Variants in COG6 observed in about 807,000 individuals in gnomAD.
COG6 encodes the protein component of oligomeric golgi complex 6.
COG6 carries 74 observed loss-of-function variants against 88.8 expected under a neutral mutation model. The observed-to-expected ratio is 0.83, with a 90% CI of 0.69 to 1.01. The LOEUF is 1.01. Ranked by LOEUF, COG6 falls within the 50% of genes least tolerant of loss-of-function variation. The probability of loss-of-function intolerance (pLI) is 0.00; values close to 1 mark genes in which losing one functional copy is unlikely to be tolerated. For synonymous variants in COG6, 286 were observed against 278.7 expected, an observed-to-expected ratio of 1.03 and a Z score of -0.26; for missense variants, 800 against 797.9, an observed-to-expected ratio of 1.00 and a Z score of -0.03.
intron 18 of COG6, among the ~76,000 whole-genome samples, chr13:39,775,669 T>C (rs1254523538): frequency 6.6e-6 from 1 of 152,202 alleles, no homozygotes; most frequent in Non-Finnish European, 1.5e-5. Context: ...TCATGTAGTT[T>C]TACATTTTAA....
At chr13:39,694,950 T>TAC (rs1460529500) in intron 12 of COG6, among the ~76,000 whole-genome samples, 11 of 89,598 alleles carry the variant, frequency 1.2e-4, no homozygotes, top group Non-Finnish European at 1.6e-4. Context: ...CAAGCTTAAC[T>TAC]ACACGCACAC....
At chr13:39,659,604 A>T in intron 2 of COG6, 97 bp downstream of exon 2, 1 of 1,004,674 alleles carries the variant, frequency 1.0e-6, no homozygotes, top group Non-Finnish European at 1.5e-6. Context: ...TATGTTTGCT[A>T]TTTGTATACT....
chr13:39,744,454 C>T (rs1342752242), intron 18 of COG6, among the ~76,000 whole-genome samples: 2 of 152,124 alleles, frequency 1.3e-5, no homozygotes, highest in African/African-American at 4.8e-5. Flanking sequence ...TTCCTATACA[C>T]CAATAACAGA....
intron 3 of COG6, among the ~76,000 whole-genome samples, chr13:39,662,142 ATTT>A (rs10629485): frequency 1.5e-5 from 2 of 130,648 alleles, no homozygotes; most frequent in Non-Finnish European, 3.2e-5. Flanking sequence ...TGTCCTTTGT[ATTT>A]TTTTTTTTTT....
chr13:39,721,238 C>T (rs747877327), intron 15 of COG6, among the ~76,000 whole-genome samples: 3 of 151,988 alleles, frequency 2.0e-5, no homozygotes, highest in Admixed American at 6.6e-5. Flanking sequence ...AGCTATTTTA[C>T]GCATGGTAAA....
rs17590852 is a variant in COG6 at position 39,666,641 on chromosome 13, A to C, written c.428+1487A>C. Among the ~76,000 whole-genome samples, 600 of 152,230 alleles carry C rather than the reference A, an allele frequency of 3.9e-3. 27 individuals carry two copies. In the East Asian group the frequency reaches 0.1, roughly 25 times the overall value. ...TTCTTAACACAATTCTCTTCAGACT[A>C]AGATTGATGAATGGGAAATTATAAA... On this transcript the variant is annotated intron_variant, in intron 4 of 18. Coordinates refer to ENST00000455146, the MANE Select transcript of COG6 (RefSeq NM_020751.3).
chr13:39,775,762 C>T (rs1028298673), intron 18 of COG6, among the ~76,000 whole-genome samples: 1 of 151,916 alleles, frequency 6.6e-6, no homozygotes, highest in African/African-American at 2.4e-5. Flanking sequence ...TTCAGAGATA[C>T]ATCTGAAATT....
At chr13:39,694,953 ACG>A (rs1041854120) in intron 12 of COG6, among the ~76,000 whole-genome samples, 12 of 79,598 alleles carry the variant, frequency 1.5e-4, no homozygotes, top group Non-Finnish European at 2.0e-4. Context: ...GCTTAACTAC[ACG>A]CACACACACA....
intron 11 of COG6, 79 bp downstream of exon 11, chr13:39,689,903 A>T: frequency 1.2e-6 from 1 of 848,918 alleles, no homozygotes; most frequent in South Asian, 1.5e-5. Context: ...TAAGAAACTG[A>T]TACCAGCTCA....
chr13:39,779,569 T>C (rs1192869124), intron 18 of COG6, among the ~76,000 whole-genome samples: 1 of 152,200 alleles, frequency 6.6e-6, no homozygotes, highest in African/African-American at 2.4e-5. Context: ...AGGTTCAACA[T>C]CATGGAGATG....
intron 11 of COG6, 23 bp downstream of exon 11, chr13:39,689,847 AT>A: frequency 6.9e-7 from 1 of 1,455,666 alleles, no homozygotes; most frequent in Non-Finnish European, 9.6e-7. Context: ...GTTTTTACAT[AT>A]GCTATATGGT....
In COG6 at chr13:39,751,284, G is replaced by T. The variant is rs773056211; in HGVS notation, c.*191G>T. ...GTAAGTAACATGTTGACCTGAGCTA[G>T]TATTGCTGTGTATCTACTCTAAATG... On this transcript the variant is annotated 3_prime_UTR_variant, in exon 19 of 19. Transcript: ENST00000455146. 3 of 1,508,476 alleles carry T rather than the reference G, an allele frequency of 2.0e-6. No homozygotes were observed. In the South Asian group the frequency reaches 3.6e-5, roughly 18 times the overall value. 93.4% of individuals were successfully genotyped at this position (1,508,476 alleles called of 1,614,324 possible). A position where few individuals can be genotyped will look rare whatever the true frequency, so the allele number is the denominator to read the frequency against.
intron 4 of COG6, among the ~76,000 whole-genome samples, chr13:39,670,791 C>T (rs1422816082): frequency 4.6e-5 from 7 of 152,034 alleles, no homozygotes; most frequent in African/African-American, 1.7e-4. Flanking sequence ...TTTACTTTCT[C>T]AGCCTTTCCC....
At chr13:39,685,571 T>C (rs191944208) in intron 8 of COG6, among the ~76,000 whole-genome samples, 399 of 152,278 alleles carry the variant, frequency 2.6e-3, no homozygotes, top group African/African-American at 9.3e-3. Context: ...AAACAAATTA[T>C]GCTGTTTATT....
intron 13 of COG6, among the ~76,000 whole-genome samples, chr13:39,713,356 A>C (rs922040982): frequency 2.6e-5 from 4 of 152,248 alleles, no homozygotes; most frequent in African/African-American, 9.6e-5. Flanking sequence ...GAGATATGAA[A>C]GACATAGTAA....
intron 8 of COG6, among the ~76,000 whole-genome samples, chr13:39,687,120 A>G (rs977472185): frequency 6.6e-6 from 1 of 152,176 alleles, no homozygotes; most frequent in East Asian, 1.9e-4. Flanking sequence ...GACTGCAAAT[A>G]TGTATACTGA....
chr13:39,695,374 C>T (rs555058758), intron 12 of COG6, among the ~76,000 whole-genome samples: 4 of 151,732 alleles, frequency 2.6e-5, no homozygotes, highest in East Asian at 1.9e-4. Flanking sequence ...GTGGTATACC[C>T]GTGAGTTTTA....
intron 18 of COG6, among the ~76,000 whole-genome samples, chr13:39,735,160 T>G (rs370409502): frequency 6.6e-6 from 1 of 152,156 alleles, no homozygotes. Context: ...CTTGTTGTTC[T>G]GTGATTTTCA....
In COG6 at chr13:39,696,805, G is replaced by A. The variant is rs542294060; in HGVS notation, c.1166+2080G>A. On this transcript the variant is annotated intron_variant, in intron 12 of 18. Coordinates refer to ENST00000455146, the MANE Select transcript of COG6 (RefSeq NM_020751.3). Reference sequence around the variant, plus strand: ...GATATTCTGTGAATCATGTAGTGTAGTGAGACAAAAGGGAAAATAAGGAAG... The same window carrying A: ...GATATTCTGTGAATCATGTAGTGTAATGAGACAAAAGGGAAAATAAGGAAG... Among the ~76,000 whole-genome samples, 5 of 151,506 alleles carry A rather than the reference G, an allele frequency of 3.3e-5. No homozygotes were observed. The East Asian group carries it at 7.8e-4, about 24-fold the overall frequency.
Sources: gnomAD v4.1 joint callset for allele counts (sites outside exome capture counted in the v4.1 genomes callset) on GRCh38, gnomAD v4.1.1 for gene constraint, MANE v1.5 for transcripts, NCBI Gene and HGNC (gene_info 2026-07-23, HGNC 2026-07-21) for gene names.